AGAP1: variants seen among roughly 807,000 people sequenced by gnomAD.
The protein encoded by AGAP1 is ArfGAP with GTPase domain, ankyrin repeat and PH domain 1, also known as arf-GAP with GTPase, ANK repeat and PH domain-containing protein 1.
A neutral mutation model predicts 105.3 loss-of-function variants in AGAP1; 29 were observed. That is an observed-to-expected ratio of 0.28 (90% CI 0.21 to 0.38). The LOEUF is 0.38. AGAP1 is among the 10% of genes least tolerant of loss of function. The probability of loss-of-function intolerance (pLI) is 1.00; values close to 1 mark genes in which losing one functional copy is unlikely to be tolerated. For synonymous variants in AGAP1, 509 were observed against 485.9 expected (o/e 1.05, Z -0.63); for missense variants, 998 against 1,165.1 (o/e 0.86, Z 2.09).
intron 1 of AGAP1, among the ~76,000 whole-genome samples, chr2:235,649,370 TTTA>T (rs1171076400): frequency 3.9e-5 from 6 of 152,148 alleles, no homozygotes; most frequent in African/African-American, 1.2e-4. Context: ...GCAGTTTTAA[TTTA>T]TTGTTTTACT....
At chr2:235,554,666 C>T (rs752818396) in intron 1 of AGAP1, among the ~76,000 whole-genome samples, 2 of 152,168 alleles carry the variant, frequency 1.3e-5, no homozygotes, top group African/African-American at 4.8e-5. Flanking sequence ...TTTAAAATCA[C>T]GGAACCATTT....
At chr2:235,773,970 T>A (rs964944629) in intron 6 of AGAP1, 2 of 469,920 alleles carry the variant, frequency 4.3e-6, no homozygotes, top group African/African-American at 2.0e-5. Context: ...TTCAGCCAAC[T>A]TTTTTTCCCC....
intron 16 of AGAP1, among the ~76,000 whole-genome samples, chr2:236,067,187 G>T (rs186364482): frequency 3.3e-5 from 5 of 152,036 alleles, no homozygotes; most frequent in Non-Finnish European, 7.3e-5. Context: ...CGGGCTGGAT[G>T]TTCACCCTCA....
At chr2:236,100,050 A>T (rs1481444880) in intron 16 of AGAP1, among the ~76,000 whole-genome samples, 1 of 152,098 alleles carries the variant, frequency 6.6e-6, no homozygotes, top group African/African-American at 2.4e-5. Flanking sequence ...AAAAAACAAT[A>T]AAAAAGAATC....
Position 235,736,090 on chromosome 2 carries a change from T to C in AGAP1, c.311-4873T>C, listed in dbSNP as rs1320382691. Among the ~76,000 whole-genome samples, 1 of 151,692 alleles carries C rather than the reference T, an allele frequency of 6.6e-6. No homozygotes were observed. The highest frequency in any genetic ancestry group is 6.6e-5 in the Admixed American group (1 of 15,218). On this transcript the variant is annotated intron_variant, in intron 3 of 17. Transcript: ENST00000304032. This position sits in a 1 kb window ranked among gnomAD's most constrained non-coding sequence, Gnocchi z 5.5. ...GCACAGATTTCAGTGAGACTGGGAC[T>C]CTGTTTTCCCCTCTCACTGAGATGC...
Position 235,962,237 on chromosome 2 carries a change from A to G in AGAP1, c.1484-6225A>G, listed in dbSNP as rs1225069844. 6.6e-6 allele frequency among the ~76,000 whole-genome samples: 1 copy of G among 151,958 alleles called. No individual in the cohort carries two copies. On this transcript the variant is annotated intron_variant, in intron 12 of 17. Coordinates refer to ENST00000304032, the MANE Select transcript of AGAP1 (RefSeq NM_001037131.3). This position sits in a 1 kb window ranked among gnomAD's most constrained non-coding sequence, Gnocchi z 5.3. ...TTGAAGGGCAGGCCAGAGGCCACTG[A>G]GGGGTACACTGACCACACAGAGGAG...
At chr2:235,802,687 GGT>G (rs1345688036) in intron 8 of AGAP1, among the ~76,000 whole-genome samples, 11 of 150,380 alleles carry the variant, frequency 7.3e-5, no homozygotes, top group African/African-American at 2.5e-4. Context: ...TGATGGTTGT[GGT>G]GGTGATGATG....
At chr2:235,518,375 A>T (rs1942481401) in intron 1 of AGAP1, among the ~76,000 whole-genome samples, 1 of 152,232 alleles carries the variant, frequency 6.6e-6, no homozygotes, top group African/African-American at 2.4e-5. Context: ...CATAAAGAAT[A>T]TAAAAAGTGA....
At chr2:235,702,371 G>A (rs1575169153) in intron 1 of AGAP1, among the ~76,000 whole-genome samples, 1 of 152,318 alleles carries the variant, frequency 6.6e-6, no homozygotes, top group East Asian at 1.9e-4. Flanking sequence ...CTGAAATCCC[G>A]AGGAAGGACG....
rs146824692 is a variant in AGAP1, at chr2:235,788,228, CAG to C, written c.674-9530_674-9529del. On this transcript the variant is annotated intron_variant, in intron 6 of 17. Coordinates refer to ENST00000304032, the MANE Select transcript of AGAP1 (RefSeq NM_001037131.3). This position sits in a 1 kb window ranked among gnomAD's most constrained non-coding sequence, Gnocchi z 6.0. ...CCTACGGTACAGCCAGCCGGAGACA[CAG>C]GGTTCCAGACACAGCTTAATTCCTT... Among the ~76,000 whole-genome samples, 3,104 of 152,290 alleles carry C rather than the reference CAG, an allele frequency of 0.02. 97 individuals carry two copies. The highest frequency in any genetic ancestry group is 0.071 in the African/African-American group (2,952 of 41,544).
At chr2:235,501,456 G>T (rs998852674) in intron 1 of AGAP1, among the ~76,000 whole-genome samples, 2 of 152,160 alleles carry the variant, frequency 1.3e-5, no homozygotes, top group Non-Finnish European at 2.9e-5. Flanking sequence ...TTCTGTAAAA[G>T]ACAGGAGCTA....
intron 13 of AGAP1, among the ~76,000 whole-genome samples, chr2:236,034,541 ACCTCTTGTCACCAGCTCT>A (rs1481280110): frequency 6.6e-6 from 1 of 151,974 alleles, no homozygotes; most frequent in Non-Finnish European, 1.5e-5. Flanking sequence ...TCCCATCCTG[ACCTCTTGTCACCAGCTCT>A]CCAGAAATCG....
At chr2:235,513,625 G>C (rs1356465868) in intron 1 of AGAP1, among the ~76,000 whole-genome samples, 2 of 151,542 alleles carry the variant, frequency 1.3e-5, no homozygotes, top group Non-Finnish European at 2.9e-5. Context: ...ACTTCATGAC[G>C]AGCCCCCTGG....
chr2:236,049,038 G>A (rs569743395), intron 15 of AGAP1, 21 bp from the exon 16 acceptor site: 51 of 1,606,540 alleles, frequency 3.2e-5, no homozygotes, highest in Middle Eastern at 1.7e-4. Flanking sequence ...TGCGTTTAGC[G>A]TTCTGTTCCT....
At chr2:235,613,593 T>C (rs865842831) in intron 1 of AGAP1, among the ~76,000 whole-genome samples, 68 of 152,108 alleles carry the variant, frequency 4.5e-4, no homozygotes, top group Middle Eastern at 6.4e-3. Flanking sequence ...CCTTCTTGCC[T>C]CTCTCCCTTT....
rs1161408658 is a variant in AGAP1, at chr2:235,550,622, G to C, written c.163+55773G>C. Among the ~76,000 whole-genome samples the C allele has an allele frequency of 6.6e-6, 1 of 152,164 alleles. No homozygotes were observed. The highest frequency in any genetic ancestry group is 1.5e-5 in the Non-Finnish European group (1 of 68,036). The stretch of plus-strand genomic sequence containing the variant: ...CAGGTGTGTTTGCCGCAGAGGTGCC[G>C]AGGGCCCAGCAGGACTGTAGCACAG... On this transcript the variant is annotated intron_variant, in intron 1 of 17. Transcript: ENST00000304032. The surrounding 1 kb of genome is among the most constrained non-coding windows in gnomAD (Gnocchi z 4.6).
chr2:235,826,670 G>T (rs933975936), intron 9 of AGAP1, among the ~76,000 whole-genome samples: 1 of 151,980 alleles, frequency 6.6e-6, no homozygotes, highest in Non-Finnish European at 1.5e-5. Context: ...GGGTGGGCTC[G>T]AACTCCTACC....
chr2:235,961,913 G>A lies in AGAP1; in HGVS notation c.1484-6549G>A, dbSNP rs558548816. Among the ~76,000 whole-genome samples the A allele has an allele frequency of 8.5e-5, 13 of 152,272 alleles. No homozygotes were observed. Among genetic ancestry groups the A allele is most frequent in the Admixed American group, 5.9e-4 (9 of 15,300 alleles). On this transcript the variant is annotated intron_variant, in intron 12 of 17. Coordinates refer to ENST00000304032, the MANE Select transcript of AGAP1 (RefSeq NM_001037131.3). The surrounding 1 kb of genome is among the most constrained non-coding windows in gnomAD (Gnocchi z 5.9). ...GATGACAGCTCATGTTTAGTGCCGG[G>A]TGCTGGGTGAGCGAGGGTGGGTGAG...
At chr2:235,939,128 G>A (rs1350418786) in intron 12 of AGAP1, among the ~76,000 whole-genome samples, 1 of 152,166 alleles carries the variant, frequency 6.6e-6, no homozygotes, top group East Asian at 1.9e-4. Flanking sequence ...AGGATTTGCA[G>A]GAAAGACAAC....
Sources: gnomAD v4.1 joint callset for allele counts (sites outside exome capture counted in the v4.1 genomes callset) on GRCh38, gnomAD v4.1.1 for gene constraint, Gnocchi (gnomAD v3.1) non-coding constraint, MANE v1.5 for transcripts, NCBI Gene and HGNC (gene_info 2026-07-23, HGNC 2026-07-21) for gene names.